Variants in ATP8A2 observed in about 807,000 individuals in gnomAD.
ATP8A2 encodes the protein phospholipid-transporting ATPase IB.
ATP8A2 carries 100 observed loss-of-function variants against 165.6 expected under a neutral mutation model. The observed-to-expected ratio is 0.60, with a 90% CI of 0.51 to 0.71. The LOEUF is 0.71. Ranked by LOEUF, ATP8A2 falls within the 30% of genes least tolerant of loss-of-function variation. The pLI is 0.00. For synonymous variants in ATP8A2, 543 were observed against 548.8 expected (o/e 0.99, Z 0.15); for missense variants, 1,227 against 1,479.5 (o/e 0.83, Z 2.80).
At chr13:25,447,448 G>A (rs761020293) in intron 1 of ATP8A2, among the ~76,000 whole-genome samples, 1 of 152,156 alleles carries the variant, frequency 6.6e-6, no homozygotes, top group Non-Finnish European at 1.5e-5. Flanking sequence ...TGTGATGGGG[G>A]TGGCTCATTT....
intron 25 of ATP8A2, among the ~76,000 whole-genome samples, chr13:25,746,137 CA>C (rs2044026696): frequency 6.6e-6 from 1 of 152,188 alleles, no homozygotes; most frequent in Admixed American, 6.5e-5. Flanking sequence ...GCAATTCATT[CA>C]TATGAGTTGT....
At chr13:25,655,603 C>G (rs528110644) in intron 24 of ATP8A2, among the ~76,000 whole-genome samples, 2 of 152,216 alleles carry the variant, frequency 1.3e-5, no homozygotes, top group Admixed American at 6.5e-5. Flanking sequence ...GTAAGACACT[C>G]CAGAGGAGTT....
chr13:25,540,989 G>C (rs991738136), intron 8 of ATP8A2, among the ~76,000 whole-genome samples: 3 of 151,566 alleles, frequency 2.0e-5, no homozygotes, highest in African/African-American at 7.3e-5. Flanking sequence ...AGCCTCCCGA[G>C]TAGCTGGGAC....
intron 24 of ATP8A2, among the ~76,000 whole-genome samples, chr13:25,632,469 GA>G (rs2041265923): frequency 6.6e-6 from 1 of 152,194 alleles, no homozygotes; most frequent in Non-Finnish European, 1.5e-5. Context: ...ATTAACATGC[GA>G]AAGACATCAC....
intron 13 of ATP8A2, among the ~76,000 whole-genome samples, chr13:25,555,794 C>T (rs1593525507): frequency 6.6e-6 from 1 of 152,028 alleles, no homozygotes; most frequent in East Asian, 1.9e-4. Context: ...TCTAGTAGTC[C>T]CCAGTGTCTC....
Position 26,020,854 on chromosome 13 carries a change from CA to C in ATP8A2, c.*870del, listed in dbSNP as rs1957072069. 6.6e-6 allele frequency: 1 copy of C among 152,308 alleles called. No individual in the cohort carries two copies. The highest frequency in any genetic ancestry group is 2.4e-5 in the African/African-American group (1 of 41,460). The allele number at this position is 152,308 out of a possible 1,614,324, so 9.4% of individuals were successfully genotyped here. ...AAAGAAAAGAAACATAGCCTTTCTGCATATATTCTAAACGTCTCTCTGCCTC... is the reference window on the plus strand; with the variant it reads ...AAAGAAAAGAAACATAGCCTTTCTGCTATATTCTAAACGTCTCTCTGCCTC... On this transcript the variant is annotated 3_prime_UTR_variant, in exon 37 of 37. Transcript: ENST00000381655.
chr13:25,614,569 AAG>A (rs945526103), intron 24 of ATP8A2, among the ~76,000 whole-genome samples: 2 of 152,204 alleles, frequency 1.3e-5, no homozygotes, highest in African/African-American at 4.8e-5. Flanking sequence ...GGAGGTGTTA[AAG>A]GACATCGTTT....
rs537533855 is a variant in ATP8A2, at chr13:25,629,314, C to T, written c.2211+39615C>T. ...AATAGCAAATCATATCATTGAAAAG[C>T]ATAGAGGTTTAAAATATTTTTAAAA... is the stretch of plus-strand genomic sequence containing the variant. On this transcript the variant is annotated intron_variant, in intron 24 of 36. Transcript: ENST00000381655. Among the ~76,000 whole-genome samples the T allele has an allele frequency of 1.6e-4, 25 of 152,154 alleles. No homozygotes were observed. The East Asian group carries it at 4.3e-3, about 26-fold the overall frequency.
intron 35 of ATP8A2, among the ~76,000 whole-genome samples, chr13:25,999,036 G>C (rs552450881): frequency 1.8e-3 from 276 of 152,230 alleles, no homozygotes; most frequent in African/African-American, 6.4e-3. Context: ...GGGCGTTATG[G>C]ATAGACACGA....
At chr13:25,474,300 G>A (rs1221189614) in intron 2 of ATP8A2, among the ~76,000 whole-genome samples, 2 of 152,126 alleles carry the variant, frequency 1.3e-5, no homozygotes, top group Non-Finnish European at 2.9e-5. Flanking sequence ...AGTGGCTCGC[G>A]CCTATAATCC....
intron 33 of ATP8A2, among the ~76,000 whole-genome samples, chr13:25,882,038 A>G (rs189339126): frequency 2.0e-5 from 3 of 152,292 alleles, no homozygotes; most frequent in African/African-American, 4.8e-5. Flanking sequence ...CCTGAGTTCA[A>G]TTATGCTCAT....
chr13:25,443,943 T>G (rs1217801655), intron 1 of ATP8A2, among the ~76,000 whole-genome samples: 1 of 152,240 alleles, frequency 6.6e-6, no homozygotes, highest in Non-Finnish European at 1.5e-5. Context: ...ATGTCTTTTA[T>G]TTTTGAGATT....
In ATP8A2 at chr13:26,021,821, C is replaced by G. The variant is rs893420757; in HGVS notation, c.*1836C>G. On this transcript the variant is annotated 3_prime_UTR_variant, in exon 37 of 37. Transcript: ENST00000381655. Reference sequence around the variant, plus strand: ...CTCTAGAGTCGGAGGATGAGTCAACCCTGTAGGAATGATTGTGCTAAATTA... The same window carrying G: ...CTCTAGAGTCGGAGGATGAGTCAACGCTGTAGGAATGATTGTGCTAAATTA... 5.3e-5 allele frequency: 8 copies of G among 152,166 alleles called. No homozygotes were observed. Among genetic ancestry groups the G allele is most frequent in the Non-Finnish European group, 8.8e-5 (6 of 68,036 alleles). The allele number at this position is 152,166 out of a possible 1,614,324, so 9.4% of individuals were successfully genotyped here.
At chr13:25,813,115 A>G (rs1347460779) in intron 27 of ATP8A2, among the ~76,000 whole-genome samples, 4 of 152,138 alleles carry the variant, frequency 2.6e-5, no homozygotes, top group Non-Finnish European at 5.9e-5. Flanking sequence ...GCTGGACTTA[A>G]TGCCTAGGTA....
intron 25 of ATP8A2, among the ~76,000 whole-genome samples, chr13:25,748,290 G>T (rs1488534199): frequency 6.6e-6 from 1 of 152,198 alleles, no homozygotes; most frequent in East Asian, 1.9e-4. Context: ...AAATTGGTCA[G>T]AGTTCTGCCA....
intron 33 of ATP8A2, among the ~76,000 whole-genome samples, chr13:25,924,215 T>TA (rs1405929944): frequency 6.6e-6 from 1 of 152,196 alleles, no homozygotes; most frequent in African/African-American, 2.4e-5. Flanking sequence ...CTCCTGTAGA[T>TA]ATCTGGATTC....
rs141532930 is a variant in ATP8A2, at chr13:25,835,397, T to A, written c.2755-1766T>A. ...TGAAGGAAGAGTGTGAGAGTTTTACTGACTCTACTCACCACACATCTGATT... is the reference window on the plus strand; with the variant it reads ...TGAAGGAAGAGTGTGAGAGTTTTACAGACTCTACTCACCACACATCTGATT... On this transcript the variant is annotated intron_variant, in intron 28 of 36. Transcript: ENST00000381655. Among the ~76,000 whole-genome samples, 162 of 152,254 alleles carry A rather than the reference T, an allele frequency of 1.1e-3. 1 individual carries two copies. The highest frequency in any genetic ancestry group is 0.01 in the Middle Eastern group (3 of 294).
intron 1 of ATP8A2, among the ~76,000 whole-genome samples, chr13:25,405,852 C>T (rs1477081966): frequency 3.3e-5 from 5 of 152,196 alleles, no homozygotes; most frequent in African/African-American, 4.8e-5. Flanking sequence ...ATGGAAAAAG[C>T]GATTTATCCA....
Position 25,562,685 on chromosome 13 carries a change from T to C in ATP8A2, c.1398-1271T>C, listed in dbSNP as rs1165157440. Among the ~76,000 whole-genome samples the C allele has an allele frequency of 4.1e-5, 6 of 146,338 alleles. No homozygotes were observed. In the East Asian group the frequency reaches 1.2e-3, roughly 28 times the overall value. ...CAGTGATTGTACCTTTCAGCTTATA[T>C]AGAATTTCACTTAAAACCCTGTTTT... On this transcript the variant is annotated intron_variant, in intron 15 of 36. Coordinates refer to ENST00000381655, the MANE Select transcript of ATP8A2 (RefSeq NM_016529.6).
Sources: allele counts gnomAD v4.1 joint callset (sites outside exome capture counted in the v4.1 genomes callset), GRCh38; gene constraint gnomAD v4.1.1; transcripts MANE v1.5; gene names NCBI Gene and HGNC (gene_info 2026-07-23, HGNC 2026-07-21).